Variants in SIRPB2 observed in about 807,000 individuals in gnomAD.
SIRPB2 encodes signal-regulatory protein beta-2.
SIRPB2 carries 18 observed loss-of-function variants against 27.1 expected under a neutral mutation model. The observed-to-expected ratio is 0.66, with a 90% CI of 0.46 to 0.98. The LOEUF is 0.98. Among genes scored for constraint, SIRPB2 ranks in the 50% least tolerant of loss-of-function variants. The probability of loss-of-function intolerance (pLI) is 0.00; values close to 1 mark genes in which losing one functional copy is unlikely to be tolerated. For synonymous variants in SIRPB2, 150 were observed against 164.6 expected (o/e 0.91, Z 0.68); for missense variants, 420 against 417.4 (o/e 1.01, Z -0.06).
At position 1,475,337 on chromosome 20, in the gene SIRPB2, G is replaced by C. The variant is rs1212402691; in HGVS notation, c.*830C>G. 1 of 152,242 alleles carries C rather than the reference G, an allele frequency of 6.6e-6. No homozygotes were observed. Among genetic ancestry groups the C allele is most frequent in the Non-Finnish European group, 1.5e-5 (1 of 68,062 alleles). The allele number at this position is 152,242 out of a possible 1,614,324, so 9.4% of individuals were successfully genotyped here. A position where few individuals can be genotyped will look rare whatever the true frequency, so the allele number is the denominator to read the frequency against. On this transcript the variant is annotated 3_prime_UTR_variant, in exon 5 of 5. Transcript: ENST00000359801. ...CTGGTTTCTCTAGTGAAAACTTGCA[G>C]CTGGGCGCATTGCTGCCAGAAATAA... is the stretch of plus-strand genomic sequence containing the variant.
chr20:1,479,385 C>T, intron 2 of SIRPB2: 1 of 370,286 alleles, frequency 2.7e-6, no homozygotes, highest in Non-Finnish European at 5.0e-6. Flanking sequence ...CTTGCTTTAG[C>T]CAGTGGGCTG....
At chr20:1,472,343 T>A (rs1023908978), downstream of SIRPB2, among the ~76,000 whole-genome samples, 1 of 152,204 alleles carries the variant, frequency 6.6e-6, no homozygotes, top group Admixed American at 6.5e-5. Context: ...TTTAGTGGAC[T>A]TGCCTCCACC....
chr20:1,478,903 C>T (rs1264369388), intron 2 of SIRPB2, among the ~76,000 whole-genome samples: 2 of 152,162 alleles, frequency 1.3e-5, no homozygotes, highest in Admixed American at 1.3e-4. Context: ...AGGCGGAAAC[C>T]CAGAAGATGG....
downstream of SIRPB2, among the ~76,000 whole-genome samples, chr20:1,471,472 C>A (rs60103806): frequency 3.7e-3 from 567 of 152,316 alleles, 3 homozygotes; most frequent in African/African-American, 0.012. Context: ...TACAGGTAAC[C>A]AACCTGGATA....
intron 4 of SIRPB2, chr20:1,476,991 G>C (rs2090611801): frequency 8.1e-7 from 1 of 1,241,534 alleles, no homozygotes; most frequent in Non-Finnish European, 1.0e-6. Context: ...ACTAGGAAGG[G>C]GCTCCATCCA....
chr20:1,477,927 G>C (rs2090622614), intron 3 of SIRPB2: 1 of 472,396 alleles, frequency 2.1e-6, no homozygotes, highest in Non-Finnish European at 4.2e-6. Context: ...ACCTGCCTTG[G>C]CCTCCCAAAG....
At chr20:1,479,136 A>G (rs1361153964) in intron 2 of SIRPB2, 17 of 164,638 alleles carry the variant, frequency 1.0e-4, no homozygotes, top group Admixed American at 9.4e-4. Flanking sequence ...ATGTAGAGCC[A>G]GGGTAACTGA....
chr20:1,477,428 T>G, intron 3 of SIRPB2, 25 bp from the exon 4 acceptor site: 1 of 1,597,070 alleles, frequency 6.3e-7, no homozygotes. Flanking sequence ...GGCTTTGTCA[T>G]ACTTCCCTTT....
At chr20:1,474,482 T>A (rs965487651), downstream of SIRPB2, 5 of 152,364 alleles carry the variant, frequency 3.3e-5, no homozygotes, top group African/African-American at 1.2e-4. Context: ...AATAAATGTT[T>A]GCCTGGAAAG....
At chr20:1,478,822 A>G (rs1296457721) in intron 2 of SIRPB2, among the ~76,000 whole-genome samples, 1 of 152,248 alleles carries the variant, frequency 6.6e-6, no homozygotes, top group Non-Finnish European at 1.5e-5. Flanking sequence ...CATGAAACTC[A>G]GGAAGACACA....
intron 4 of SIRPB2, chr20:1,476,738 G>T (rs1451189281): frequency 4.8e-6 from 5 of 1,048,164 alleles, no homozygotes; most frequent in Non-Finnish European, 5.8e-6. Context: ...CCCATGAATG[G>T]CAGGAGCAGG....
At chr20:1,482,782 G>A (rs1600017505) in intron 1 of SIRPB2, among the ~76,000 whole-genome samples, 1 of 150,666 alleles carries the variant, frequency 6.6e-6, no homozygotes, top group Non-Finnish European at 1.5e-5. Context: ...TTTTTTTCAC[G>A]GTTGAATAGT....
In SIRPB2 at chr20:1,476,072, G is replaced by T. The variant is rs1174625206; in HGVS notation, c.*95C>A. 1.8e-5 allele frequency: 26 copies of T among 1,424,018 alleles called. No homozygotes were observed. The highest frequency in any genetic ancestry group is 2.4e-5 in the Non-Finnish European group (25 of 1,035,218). 88.2% of individuals were successfully genotyped at this position (1,424,018 alleles called of 1,614,324 possible). A position where few individuals can be genotyped will look rare whatever the true frequency, so the allele number is the denominator to read the frequency against. ...GATCTAGGAGTTTGTCATGAGGCCT[G>T]GGGGCACCTAGAGGCTGGGACTGGA... On this transcript the variant is annotated 3_prime_UTR_variant, in exon 5 of 5. Coordinates refer to ENST00000359801, the MANE Select transcript of SIRPB2 (RefSeq NM_001122962.2).
downstream of SIRPB2, chr20:1,473,991 G>A (rs2090590486): frequency 2.5e-6 from 1 of 404,698 alleles, no homozygotes; most frequent in Non-Finnish European, 5.0e-6. Flanking sequence ...TTTCTTCCTT[G>A]ATTCTTCCAG....
downstream of SIRPB2, among the ~76,000 whole-genome samples, chr20:1,471,604 T>G (rs936038821): frequency 3.3e-5 from 5 of 152,172 alleles, no homozygotes; most frequent in Non-Finnish European, 5.9e-5. Context: ...TTCCCCACTT[T>G]CTCAGGCCAA....
In SIRPB2 at chr20:1,478,365, C is replaced by T. The variant is rs371415136; in HGVS notation, c.694G>A (p.Val232Ile). 2.4e-5 allele frequency: 38 copies of T among 1,614,058 alleles called. No homozygotes were observed. The highest frequency in any genetic ancestry group is 1.6e-4 in the Middle Eastern group (1 of 6,084). The stretch of plus-strand genomic sequence containing the variant: ...TAGGTGCCTGCATCCTCACTGGAGA[C>T]GTTTTGCAGAAGAATGCTGAAGTCA... ...NNDFSILLQNVSSEDAGTYYC... is the reference protein window; with the variant it reads ...NNDFSILLQNISSEDAGTYYC... Residue 232 changes from valine (V) to isoleucine (I), a missense_variant, in exon 3 of 5, where the codon GTC becomes ATC. Coordinates refer to ENST00000359801, the MANE Select transcript of SIRPB2 (RefSeq NM_001122962.2).
At chr20:1,473,835 A>G (rs2090589932), downstream of SIRPB2, 1 of 456,154 alleles carries the variant, frequency 2.2e-6, no homozygotes, top group Non-Finnish European at 4.4e-6. Context: ...CTGCTGTTTC[A>G]GCTTCCCGTG....
intron 1 of SIRPB2, among the ~76,000 whole-genome samples, chr20:1,482,538 T>C (rs548383178): frequency 6.2e-4 from 93 of 149,458 alleles, no homozygotes; most frequent in African/African-American, 2.2e-3. Context: ...TTTCTTCCTT[T>C]CTTCCTTCCT....
Position 1,475,610 on chromosome 20 carries a change from C to T in SIRPB2, c.*557G>A, listed in dbSNP as rs1489220483. 2 of 152,554 alleles carry T rather than the reference C, an allele frequency of 1.3e-5. No individual in the cohort carries two copies. The highest frequency in any genetic ancestry group is 4.8e-5 in the African/African-American group (2 of 41,444). The allele number at this position is 152,554 out of a possible 1,614,324, so 9.5% of individuals were successfully genotyped here. On this transcript the variant is annotated 3_prime_UTR_variant, in exon 5 of 5. Transcript: ENST00000359801. ...GCTTGGCCTGCTGATGGTCAACTTT[C>T]TGGTTGATTTCCACTGGTTTAAGCC... is the stretch of plus-strand genomic sequence containing the variant.
Sources: gnomAD v4.1 joint callset for allele counts (sites outside exome capture counted in the v4.1 genomes callset) on GRCh38, gnomAD v4.1.1 for gene constraint, MANE v1.5 for transcripts, NCBI Gene and HGNC (gene_info 2026-07-23, HGNC 2026-07-21) for gene names.